The following TMEM242 variants were observed in gnomAD, a reference collection of about 807,000 sequenced individuals.
TMEM242 encodes the protein UPF0463 transmembrane protein C6orf35.
In TMEM242, 10 loss-of-function variants were observed where a neutral mutation model predicts 18.2. The observed-to-expected ratio is 0.55, with a 90% confidence interval of 0.34 to 0.93. The LOEUF is 0.93. TMEM242 is among the 40% of genes least tolerant of loss of function. The probability of loss-of-function intolerance (pLI) is 0.02; values close to 1 mark genes in which losing one functional copy is unlikely to be tolerated. For missense variants in TMEM242, 186 were observed against 175.5 expected (o/e 1.06, Z -0.34); for synonymous variants, 57 against 69.9 (o/e 0.81, Z 0.92).
intron 3 of TMEM242, among the ~76,000 whole-genome samples, chr6:157,311,235 A>T (rs1554248676): frequency 8.7e-6 from 1 of 114,420 alleles, no homozygotes; most frequent in Non-Finnish European, 1.9e-5. Context: ...GCCTCATCAT[A>T]GTGTCCCAGT....
At chr6:157,311,049 C>T (rs1265245390) in intron 3 of TMEM242, among the ~76,000 whole-genome samples, 2 of 118,018 alleles carry the variant, frequency 1.7e-5, no homozygotes, top group African/African-American at 3.6e-5. Flanking sequence ...AGTGTGCGCT[C>T]ACCTAACCCC....
intron 3 of TMEM242, among the ~76,000 whole-genome samples, chr6:157,312,352 A>ATCGGTG (rs1778174257): frequency 7.2e-6 from 1 of 138,768 alleles, no homozygotes; most frequent in Non-Finnish European, 1.6e-5. Context: ...ACCTAGCCTC[A>ATCGGTG]TCATGTCCCA....
chr6:157,302,950 A>G (rs1777850898), intron 3 of TMEM242, among the ~76,000 whole-genome samples: 1 of 152,170 alleles, frequency 6.6e-6, no homozygotes. Context: ...ACTCACACCC[A>G]GCTCTCAAAT....
chr6:157,312,877 C>T (rs1554249478), intron 3 of TMEM242, among the ~76,000 whole-genome samples: 3 of 151,758 alleles, frequency 2.0e-5, no homozygotes, highest in Admixed American at 6.6e-5. Context: ...CCAGTGTGCA[C>T]TCACCTAGCC....
intron 2 of TMEM242, among the ~76,000 whole-genome samples, chr6:157,322,393 A>C (rs2128418179): frequency 6.6e-6 from 1 of 152,296 alleles, no homozygotes; most frequent in Middle Eastern, 3.4e-3. Context: ...GGCTTCCCAA[A>C]GTGCTGGGAT....
rs1272039515 is a variant in TMEM242, at chr6:157,292,200, C to G, written c.*701G>C. 1 of 150,460 alleles carries G rather than the reference C, an allele frequency of 6.6e-6. No homozygotes were observed. The highest frequency in any genetic ancestry group is 1.5e-5 in the Non-Finnish European group (1 of 67,608). 9.3% of individuals were successfully genotyped at this position (150,460 alleles called of 1,614,324 possible). A position where few individuals can be genotyped will look rare whatever the true frequency, so the allele number is the denominator to read the frequency against. ...TGTTCAGAGATCCAGACCAACTTCT[C>G]AAAAAAATATGTTTACCCCTGATAT... On this transcript the variant is annotated 3_prime_UTR_variant, in exon 4 of 4. Transcript: ENST00000400788.
Position 157,290,190 on chromosome 6 carries a change from G to A in TMEM242, c.*2711C>T, listed in dbSNP as rs183609666. On this transcript the variant is annotated 3_prime_UTR_variant, in exon 4 of 4. Coordinates refer to ENST00000400788, the MANE Select transcript of TMEM242 (RefSeq NM_018452.6). Reference sequence around the variant, plus strand: ...GCTCTTTTGGGCGCTGAGACTCTAAGTGTAAAGCTTAACACTCACCCAGTG... The same window carrying A: ...GCTCTTTTGGGCGCTGAGACTCTAAATGTAAAGCTTAACACTCACCCAGTG... 1 of 152,182 alleles carries A rather than the reference G, an allele frequency of 6.6e-6. No homozygotes were observed. The allele number at this position is 152,182 out of a possible 1,614,324, so 9.4% of individuals were successfully genotyped here. A position where few individuals can be genotyped will look rare whatever the true frequency, so the allele number is the denominator to read the frequency against.
intron 3 of TMEM242, among the ~76,000 whole-genome samples, chr6:157,304,235 G>A (rs1199371581): frequency 1.3e-5 from 2 of 152,092 alleles, no homozygotes; most frequent in Admixed American, 6.5e-5. Flanking sequence ...GGAGGCCGAG[G>A]CAGGTGGATC....
At chr6:157,308,911 C>T (rs781870202) in intron 3 of TMEM242, among the ~76,000 whole-genome samples, 2 of 152,326 alleles carry the variant, frequency 1.3e-5, no homozygotes, top group African/African-American at 4.8e-5. Context: ...TTTAAAAATG[C>T]ACTTTGACTC....
chr6:157,309,199 G>C (rs1777958267), intron 3 of TMEM242, among the ~76,000 whole-genome samples: 1 of 152,090 alleles, frequency 6.6e-6, no homozygotes, highest in Admixed American at 6.6e-5. Context: ...TACACAAGAT[G>C]CTCCAAAAGG....
intron 3 of TMEM242, chr6:157,299,775 A>G: frequency 6.2e-7 from 1 of 1,603,094 alleles, no homozygotes; most frequent in South Asian, 1.1e-5. Context: ...TCTTTGCTAC[A>G]AACAATATTT....
chr6:157,296,625 A>G (rs983162336), intron 3 of TMEM242, among the ~76,000 whole-genome samples: 2 of 152,194 alleles, frequency 1.3e-5, no homozygotes, highest in African/African-American at 4.8e-5. Flanking sequence ...GGAGGTTGCA[A>G]TGAGCCAAAA....
At chr6:157,303,988 G>A (rs587609400) in intron 3 of TMEM242, among the ~76,000 whole-genome samples, 276 of 152,152 alleles carry the variant, frequency 1.8e-3, no homozygotes, top group Admixed American at 3.0e-3. Flanking sequence ...TCAACTTCCT[G>A]TTTACGGTAT....
intron 3 of TMEM242, among the ~76,000 whole-genome samples, chr6:157,298,833 T>C (rs1554247316): frequency 6.6e-6 from 1 of 152,158 alleles, no homozygotes. Flanking sequence ...ACATCAGGGG[T>C]ACCAAAAACA....
chr6:157,301,757 C>A (rs1324986440), intron 3 of TMEM242, among the ~76,000 whole-genome samples: 3 of 152,022 alleles, frequency 2.0e-5, no homozygotes, highest in Non-Finnish European at 2.9e-5. Context: ...CACAGTGAAA[C>A]CCCATTTCTA....
At position 157,323,468 on chromosome 6, in the gene TMEM242, G is replaced by T. The variant is rs587747016; in HGVS notation, c.32C>A (p.Pro11Gln). Reference protein sequence around the residue: METAGAATGQPASGLEAPGST... With the variant: METAGAATGQQASGLEAPGST... ...CCCCGGAGCCTCCAGCCCAGAGGCC[G>T]GCTGCCCAGTTGCAGCGCCCGCTGT... The change falls in exon 1 of 4, where the codon CCG (proline) becomes CAG (glutamine). Residue 11 changes from proline to glutamine, a missense_variant. Coordinates refer to ENST00000400788, the MANE Select transcript of TMEM242 (RefSeq NM_018452.6). 6 of 1,613,990 alleles carry T rather than the reference G, an allele frequency of 3.7e-6. No homozygotes were observed. The highest frequency in any genetic ancestry group is 5.1e-6 in the Non-Finnish European group (6 of 1,179,930).
chr6:157,289,070 G>A lies in TMEM242; in HGVS notation c.*3831C>T, dbSNP rs1554246670. Among the ~76,000 whole-genome samples, 1 of 135,118 alleles carries A rather than the reference G, an allele frequency of 7.4e-6. No homozygotes were observed. The highest frequency in any genetic ancestry group is 1.6e-5 in the Non-Finnish European group (1 of 63,828). The allele number at this position is 135,118 out of a possible 152,430, so 88.6% of individuals were successfully genotyped here. Reference sequence around the variant, plus strand: ...ACATTCACCTTTTTTTTTTTTTAAAGTAAGGGATCATGCCTCATCAAACAG... The same window carrying A: ...ACATTCACCTTTTTTTTTTTTTAAAATAAGGGATCATGCCTCATCAAACAG... On this transcript the variant is annotated 3_prime_UTR_variant, in exon 4 of 4. Transcript: ENST00000400788.
At chr6:157,308,211 T>C (rs1224624632) in intron 3 of TMEM242, among the ~76,000 whole-genome samples, 1 of 152,244 alleles carries the variant, frequency 6.6e-6, no homozygotes, top group Non-Finnish European at 1.5e-5. Context: ...ACAACGCTGC[T>C]TCATTTGAGG....
chr6:157,313,966 C>T (rs1554250001), intron 3 of TMEM242, among the ~76,000 whole-genome samples: 9 of 145,980 alleles, frequency 6.2e-5, no homozygotes, highest in Non-Finnish European at 1.1e-4. Context: ...AGTGTCCGCT[C>T]ACCTGGCCTC....
Sources: gnomAD v4.1 joint callset for allele counts (sites outside exome capture counted in the v4.1 genomes callset) on GRCh38, gnomAD v4.1.1 for gene constraint, MANE v1.5 for transcripts, NCBI Gene and HGNC (gene_info 2026-07-23, HGNC 2026-07-21) for gene names.